The following IPCEF1 variants were observed in gnomAD, a reference collection of about 807,000 sequenced individuals.
The protein encoded by IPCEF1 is interactor protein for cytohesin exchange factors 1.
Under a neutral mutation model 50.9 loss-of-function variants are expected in IPCEF1, and 31 were observed. The ratio of observed to expected loss-of-function variants is 0.61; its 90% CI spans 0.46 to 0.82. The LOEUF (loss-of-function observed/expected upper bound fraction) is 0.82, where lower values mean the gene tolerates loss of function less well. Ranked by LOEUF, IPCEF1 falls within the 40% of genes least tolerant of loss-of-function variation. The probability of loss-of-function intolerance (pLI) is 0.00; values close to 1 mark genes in which losing one functional copy is unlikely to be tolerated. For missense variants in IPCEF1, 458 were observed against 514.0 expected (o/e 0.89, Z 1.05); for synonymous variants, 181 against 192.0 (o/e 0.94, Z 0.47).
intron 10 of IPCEF1, among the ~76,000 whole-genome samples, chr6:154,183,110 G>A (rs1247972281): frequency 6.6e-6 from 1 of 152,046 alleles, no homozygotes. Context: ...TTCCCCAGTA[G>A]CTGGGATTAC....
chr6:154,269,605 C>T (rs9322457), intron 2 of IPCEF1, among the ~76,000 whole-genome samples: 66,031 of 151,934 alleles, frequency 0.43, 15,623 homozygotes, highest in East Asian at 0.65. Context: ...TAAAGCATTG[C>T]GATTACATGA....
intron 2 of IPCEF1, among the ~76,000 whole-genome samples, chr6:154,276,969 A>C (rs1017054226): frequency 1.3e-5 from 2 of 152,150 alleles, no homozygotes; most frequent in African/African-American, 4.8e-5. Context: ...CCAAAGGGCT[A>C]CTCGTGGGAT....
chr6:154,322,596 G>C (rs751779794), intron 1 of IPCEF1, among the ~76,000 whole-genome samples: 2 of 152,130 alleles, frequency 1.3e-5, no homozygotes, highest in Non-Finnish European at 2.9e-5. Context: ...CCAGCACTTT[G>C]GGAGGCCGAG....
At chr6:154,245,321 G>A (rs1407696788) in intron 5 of IPCEF1, among the ~76,000 whole-genome samples, 1 of 152,076 alleles carries the variant, frequency 6.6e-6, no homozygotes, top group Non-Finnish European at 1.5e-5. Flanking sequence ...AACCCAAAGA[G>A]GAGCTTTGTG....
At chr6:154,299,107 G>A (rs1231609111) in intron 1 of IPCEF1, among the ~76,000 whole-genome samples, 1 of 141,506 alleles carries the variant, frequency 7.1e-6, no homozygotes, top group Non-Finnish European at 1.6e-5. Context: ...TCACAAATCA[G>A]TTGTGAATCA....
intron 10 of IPCEF1, among the ~76,000 whole-genome samples, chr6:154,180,412 A>ATTTTTTTT (rs1301879776): frequency 5.9e-5 from 3 of 50,808 alleles, no homozygotes; most frequent in Non-Finnish European, 8.6e-5. Context: ...ATATATATAT[A>ATTTTTTTT]TATTTTTTTT....
chr6:154,325,859 A>G (rs940968738), intron 1 of IPCEF1, among the ~76,000 whole-genome samples: 3 of 152,198 alleles, frequency 2.0e-5, no homozygotes, highest in Non-Finnish European at 4.4e-5. Context: ...TAATTTGAAC[A>G]GGCCTTGACA....
intron 1 of IPCEF1, among the ~76,000 whole-genome samples, chr6:154,327,590 T>C (rs1783553803): frequency 6.6e-6 from 1 of 152,074 alleles, no homozygotes; most frequent in Non-Finnish European, 1.5e-5. Flanking sequence ...GTGAAGTTGC[T>C]GAGAAAAAGG....
rs1039158262 is a variant in IPCEF1, at chr6:154,222,813, A to G, written c.320+357T>C. On this transcript the variant is annotated intron_variant, in intron 6 of 11. Transcript: ENST00000367220. ...AGCTGGTCTTGCTGGCGTATCTGCA[A>G]CTCGGGTGAGTCCTATTTAACTGCT... 10 of 248,016 alleles carry G rather than the reference A, an allele frequency of 4.0e-5. No individual in the cohort carries two copies. In the East Asian group the frequency reaches 8.5e-4, roughly 21 times the overall value. 15.4% of individuals were successfully genotyped at this position (248,016 alleles called of 1,614,324 possible). A position where few individuals can be genotyped will look rare whatever the true frequency, so the allele number is the denominator to read the frequency against.
chr6:154,318,915 C>G (rs1783300984), intron 1 of IPCEF1, among the ~76,000 whole-genome samples: 3 of 152,078 alleles, frequency 2.0e-5, no homozygotes, highest in African/African-American at 7.2e-5. Flanking sequence ...AACATGATGT[C>G]AACAAGGGGA....
intron 7 of IPCEF1, among the ~76,000 whole-genome samples, chr6:154,215,443 A>T (rs1355436199): frequency 1.3e-5 from 2 of 151,952 alleles, no homozygotes; most frequent in African/African-American, 4.8e-5. Flanking sequence ...GTCACTACTT[A>T]AAAAAATACA....
intron 1 of IPCEF1, among the ~76,000 whole-genome samples, chr6:154,291,284 C>G (rs1782507030): frequency 6.6e-6 from 1 of 152,130 alleles, no homozygotes; most frequent in Non-Finnish European, 1.5e-5. Context: ...TTTTTAAAAT[C>G]TATATATTTG....
chr6:154,322,553 G>T (rs1384801769), intron 1 of IPCEF1, among the ~76,000 whole-genome samples: 1 of 151,904 alleles, frequency 6.6e-6, no homozygotes, highest in Non-Finnish European at 1.5e-5. Context: ...TAAAGAAAAT[G>T]TTGGCCAGGC....
chr6:154,247,097 T>C lies in IPCEF1; in HGVS notation c.77-337A>G, dbSNP rs1781115592. 2.0e-5 allele frequency: 8 copies of C among 391,700 alleles called. No individual in the cohort carries two copies. In the East Asian group the frequency reaches 3.3e-4, roughly 16 times the overall value. The allele number at this position is 391,700 out of a possible 1,614,324, so 24.3% of individuals were successfully genotyped here. On this transcript the variant is annotated intron_variant, in intron 4 of 11. Coordinates refer to ENST00000367220, the MANE Select transcript of IPCEF1 (RefSeq NM_001130700.2). Reference sequence around the variant, plus strand: ...AGAATAAGTTGAAAATAATTAAAATTGTAAGGCTGGCGGGCATATCAGTGC... The same window carrying C: ...AGAATAAGTTGAAAATAATTAAAATCGTAAGGCTGGCGGGCATATCAGTGC...
chr6:154,213,244 G>T (rs1583814392), intron 8 of IPCEF1: 1 of 197,714 alleles, frequency 5.1e-6, no homozygotes, highest in East Asian at 1.2e-4. Flanking sequence ...TGCACAACTT[G>T]TGAAGGGGAG....
At chr6:154,213,912 T>C (rs1249638306) in intron 8 of IPCEF1, among the ~76,000 whole-genome samples, 1 of 152,154 alleles carries the variant, frequency 6.6e-6, no homozygotes, top group African/African-American at 2.4e-5. Context: ...TGTCTATCAG[T>C]AAGAATTCCA....
intron 1 of IPCEF1, among the ~76,000 whole-genome samples, chr6:154,302,740 G>A (rs993258204): frequency 2.0e-5 from 3 of 152,118 alleles, no homozygotes; most frequent in African/African-American, 7.2e-5. Flanking sequence ...CTCCCAAAGT[G>A]CTGGGATTAT....
At chr6:154,255,169 C>T (rs1033348085) in intron 3 of IPCEF1, among the ~76,000 whole-genome samples, 3 of 152,172 alleles carry the variant, frequency 2.0e-5, no homozygotes, top group African/African-American at 7.2e-5. Flanking sequence ...TTTCATTTAT[C>T]ATATAGCTTC....
intron 1 of IPCEF1, among the ~76,000 whole-genome samples, chr6:154,345,295 T>C (rs1370596474): frequency 6.6e-6 from 1 of 152,210 alleles, no homozygotes; most frequent in African/African-American, 2.4e-5. Flanking sequence ...CAGAGAAAAT[T>C]TACACAAATA....
Sources: allele counts gnomAD v4.1 joint callset (sites outside exome capture counted in the v4.1 genomes callset), GRCh38; gene constraint gnomAD v4.1.1; transcripts MANE v1.5; gene names NCBI Gene and HGNC (gene_info 2026-07-23, HGNC 2026-07-21).